ASF1B: variants seen among roughly 807,000 people sequenced by gnomAD.
ASF1B encodes anti-silencing function 1B histone chaperone, also known as histone chaperone ASF1B.
ASF1B carries 10 observed loss-of-function variants against 16.6 expected under a neutral mutation model. The observed-to-expected ratio is 0.60, with a 90% CI of 0.37 to 1.02. The LOEUF (loss-of-function observed/expected upper bound fraction) is 1.02, where lower values mean the gene tolerates loss of function less well. Among genes scored for constraint, ASF1B ranks in the 50% least tolerant of loss-of-function variants. The probability of loss-of-function intolerance (pLI) is 0.01; values close to 1 mark genes in which losing one functional copy is unlikely to be tolerated. For missense variants in ASF1B, 240 were observed against 266.0 expected (o/e 0.90, Z 0.68); for synonymous variants, 101 against 106.2 (o/e 0.95, Z 0.30).
At chr19:14,126,040 C>G in intron 2 of ASF1B, 82 bp downstream of exon 2, 2 of 1,170,132 alleles carry the variant, frequency 1.7e-6, no homozygotes, top group Non-Finnish European at 2.4e-6. Flanking sequence ...CTTTTGATTC[C>G]TGAAGCACTC....
intron 1 of ASF1B, among the ~76,000 whole-genome samples, chr19:14,133,835 G>C (rs1406367923): frequency 9.1e-6 from 1 of 110,454 alleles, no homozygotes; most frequent in Non-Finnish European, 1.7e-5. Flanking sequence ...ACGGAGTCTC[G>C]CTCTGTCGCC....
intron 2 of ASF1B, 93 bp from the exon 3 acceptor site, chr19:14,121,801 CA>C: frequency 3.4e-6 from 4 of 1,191,974 alleles, no homozygotes; most frequent in Non-Finnish European, 4.6e-6. Context: ...ATTTACTGAG[CA>C]AAAAGTATGC....
At chr19:14,124,739 A>G (rs1218617461) in intron 2 of ASF1B, among the ~76,000 whole-genome samples, 1 of 152,166 alleles carries the variant, frequency 6.6e-6, no homozygotes, top group Non-Finnish European at 1.5e-5. Flanking sequence ...CTCACTGTGA[A>G]TGAGCGTCCT....
intron 1 of ASF1B, among the ~76,000 whole-genome samples, chr19:14,128,255 G>A (rs1162301475): frequency 3.3e-5 from 5 of 152,134 alleles, no homozygotes; most frequent in Non-Finnish European, 7.4e-5. Context: ...CTGTTCCTTG[G>A]TCCAGTGTCC....
intron 1 of ASF1B, among the ~76,000 whole-genome samples, chr19:14,135,999 G>T (rs1599361752): frequency 6.7e-6 from 1 of 150,084 alleles, no homozygotes; most frequent in Non-Finnish European, 1.5e-5. Context: ...GATGGATGAG[G>T]TTCCCCACGC....
At chr19:14,128,624 G>A (rs535292744) in intron 1 of ASF1B, among the ~76,000 whole-genome samples, 34 of 152,306 alleles carry the variant, frequency 2.2e-4, no homozygotes, top group African/African-American at 8.2e-4. Flanking sequence ...ACAGGCTTGT[G>A]CCACACGCCC....
At chr19:14,133,820 T>C (rs1967443776) in intron 1 of ASF1B, among the ~76,000 whole-genome samples, 1 of 138,666 alleles carries the variant, frequency 7.2e-6, no homozygotes, top group Non-Finnish European at 1.6e-5. Flanking sequence ...TTTTTTTTTT[T>C]TGAGACGGAG....
intron 1 of ASF1B, among the ~76,000 whole-genome samples, chr19:14,126,462 G>A (rs1472550144): frequency 6.6e-6 from 1 of 151,772 alleles, no homozygotes; most frequent in African/African-American, 2.4e-5. Context: ...CCGCTGCCAC[G>A]CCTAGCTAAT....
chr19:14,128,418 G>A (rs1967349613), intron 1 of ASF1B, among the ~76,000 whole-genome samples: 1 of 152,268 alleles, frequency 6.6e-6, no homozygotes, highest in Admixed American at 6.5e-5. Flanking sequence ...GGATACGGGT[G>A]ACCATTGAAC....
intron 1 of ASF1B, among the ~76,000 whole-genome samples, chr19:14,131,735 T>C (rs1037417342): frequency 1.1e-4 from 17 of 150,174 alleles, no homozygotes; most frequent in African/African-American, 3.9e-4. Context: ...CTGCCCGCCT[T>C]GGTCTCCCAA....
Position 14,120,090 on chromosome 19 carries a change from C to T in ASF1B, c.*369G>A, listed in dbSNP as rs1317575500. On this transcript the variant is annotated 3_prime_UTR_variant, in exon 4 of 4. Transcript: ENST00000263382. Reference sequence around the variant, plus strand: ...AGCCTTTGGCTCAGCAGGACTGGAGCCTTGACAGGCACTGACCAAGAAAGC... The same window carrying T: ...AGCCTTTGGCTCAGCAGGACTGGAGTCTTGACAGGCACTGACCAAGAAAGC... 1 of 211,278 alleles carries T rather than the reference C, an allele frequency of 4.7e-6. No homozygotes were observed. The highest frequency in any genetic ancestry group is 9.4e-6 in the Non-Finnish European group (1 of 105,946). 13.1% of individuals were successfully genotyped at this position (211,278 alleles called of 1,614,324 possible).
rs542174932 is a variant in ASF1B, at chr19:14,120,429, G to A, written c.*30C>T. 29 of 1,607,424 alleles carry A rather than the reference G, an allele frequency of 1.8e-5. No individual in the cohort carries two copies. Among genetic ancestry groups the A allele is most frequent in the East Asian group, 6.7e-5 (3 of 44,792 alleles). On this transcript the variant is annotated 3_prime_UTR_variant, in exon 4 of 4. Transcript: ENST00000263382. ...GCTGGGAGGCCTGGTTGCCCCTCCC[G>A]GCGTGCTGGGACACTCTGGGTTCCT...
chr19:14,121,810 T>C (rs1280623391), intron 2 of ASF1B, 102 bp from the exon 3 acceptor site: 1 of 1,106,360 alleles, frequency 9.0e-7, no homozygotes, highest in East Asian at 2.7e-5. Context: ...GCAAAAAGTA[T>C]GCTCTCTGCC....
At chr19:14,123,378 C>CTTTTTTTTTT (rs74181857) in intron 2 of ASF1B, among the ~76,000 whole-genome samples, 1 of 119,820 alleles carries the variant, frequency 8.3e-6, no homozygotes. Flanking sequence ...TTTCTTTCTT[C>CTTTTTTTTTT]TTTTTTTTTT....
chr19:14,123,005 AG>A (rs1967262826), intron 2 of ASF1B, among the ~76,000 whole-genome samples: 1 of 152,252 alleles, frequency 6.6e-6, no homozygotes, highest in East Asian at 1.9e-4. Context: ...CAGGCAGTAA[AG>A]AACAGATTCA....
chr19:14,135,510 G>A (rs1407849627), intron 1 of ASF1B, among the ~76,000 whole-genome samples: 3 of 152,140 alleles, frequency 2.0e-5, no homozygotes, highest in African/African-American at 7.2e-5. Context: ...CAGGTTCCAG[G>A]GTATGTGCAT....
intron 1 of ASF1B, 70 bp from the exon 2 acceptor site, chr19:14,126,307 A>G: frequency 1.2e-6 from 1 of 841,088 alleles, no homozygotes; most frequent in South Asian, 1.6e-5. Context: ...AGGCTCTTGT[A>G]TTTTTTTTTT....
intron 1 of ASF1B, among the ~76,000 whole-genome samples, chr19:14,133,003 C>G (rs1967429478): frequency 6.6e-6 from 1 of 151,674 alleles, no homozygotes; most frequent in African/African-American, 2.4e-5. Flanking sequence ...GCCTGTAGTC[C>G]CAGCTACTTG....
chr19:14,122,468 C>T (rs555175839), intron 2 of ASF1B, among the ~76,000 whole-genome samples: 1 of 151,970 alleles, frequency 6.6e-6, no homozygotes, highest in Non-Finnish European at 1.5e-5. Flanking sequence ...TGGGCTCAAG[C>T]AATCCTCCTG....
Sources: gnomAD v4.1 joint callset for allele counts (sites outside exome capture counted in the v4.1 genomes callset) on GRCh38, gnomAD v4.1.1 for gene constraint, MANE v1.5 for transcripts, NCBI Gene and HGNC (gene_info 2026-07-23, HGNC 2026-07-21) for gene names.